KIF13B: variants seen among roughly 807,000 people sequenced by gnomAD.
KIF13B encodes kinesin family member 13B, also known as kinesin-like protein KIF13B.
A neutral mutation model predicts 222.0 loss-of-function variants in KIF13B; 127 were observed. That is an observed-to-expected ratio of 0.57 (90% CI 0.50 to 0.66). The LOEUF is 0.66. Among genes scored for constraint, KIF13B ranks in the 30% least tolerant of loss-of-function variants. The pLI is 0.00. For synonymous variants in KIF13B, 976 were observed against 919.0 expected (o/e 1.06, Z -1.12); for missense variants, 2,173 against 2,379.0 (o/e 0.91, Z 1.80).
At chr8:29,230,596 G>C (rs2130582926) in intron 2 of KIF13B, among the ~76,000 whole-genome samples, 1 of 152,288 alleles carries the variant, frequency 6.6e-6, no homozygotes, top group South Asian at 2.1e-4. Context: ...TTCTGTGGGA[G>C]TGTATCCCAG....
At chr8:29,254,300 C>G (rs115641650) in intron 1 of KIF13B, among the ~76,000 whole-genome samples, 1 of 152,158 alleles carries the variant, frequency 6.6e-6, no homozygotes, top group Non-Finnish European at 1.5e-5. Context: ...ACAGCAAAAT[C>G]ACAAGCAACT....
At chr8:29,218,830 A>T (rs1814610541) in intron 2 of KIF13B, 1 of 152,266 alleles carries the variant, frequency 6.6e-6, no homozygotes, top group African/African-American at 2.4e-5. Context: ...TGCACTCAAG[A>T]GACAGCACTA....
intron 11 of KIF13B, among the ~76,000 whole-genome samples, chr8:29,166,641 T>C (rs1812011707): frequency 6.7e-6 from 1 of 149,528 alleles, no homozygotes; most frequent in African/African-American, 2.5e-5. Context: ...GAGGCAGAGG[T>C]TGCAGTGAGC....
intron 37 of KIF13B, among the ~76,000 whole-genome samples, chr8:29,088,942 G>A (rs184980762): frequency 2.5e-4 from 38 of 152,326 alleles, no homozygotes; most frequent in Non-Finnish European, 1.0e-4. Flanking sequence ...AACCAAGAGC[G>A]TCTCTGATCA....
chr8:29,153,856 C>T (rs901853003), intron 14 of KIF13B, among the ~76,000 whole-genome samples: 1 of 152,142 alleles, frequency 6.6e-6, no homozygotes, highest in Admixed American at 6.5e-5. Context: ...GTAAGAGATG[C>T]CAATCACCTC....
chr8:29,092,118 T>C (rs1235678201), intron 37 of KIF13B, among the ~76,000 whole-genome samples: 1 of 152,254 alleles, frequency 6.6e-6, no homozygotes, highest in African/African-American at 2.4e-5. Flanking sequence ...AATCCTCATT[T>C]ATCATTTTCT....
chr8:29,173,595 C>G (rs1017153734), intron 10 of KIF13B, among the ~76,000 whole-genome samples: 6 of 151,622 alleles, frequency 4.0e-5, no homozygotes, highest in Admixed American at 1.3e-4. Context: ...GCACTCTAGC[C>G]TGGACAACAG....
In KIF13B at chr8:29,259,119, GA is replaced by G. The variant is rs374204028; in HGVS notation, c.55+3860del. The stretch of plus-strand genomic sequence containing the variant: ...TTTACATTCTTTTTCCACTAACAGA[GA>G]AAACGATCTTCCTTGTTAAATGGTT... On this transcript the variant is annotated intron_variant, in intron 1 of 39. Transcript: ENST00000524189. Among the ~76,000 whole-genome samples, 437 of 152,064 alleles carry G rather than the reference GA, an allele frequency of 2.9e-3. 1 individual carries two copies. Among genetic ancestry groups the G allele is most frequent in the African/African-American group, 0.01 (422 of 41,460 alleles).
chr8:29,083,110 C>G (rs1034894156), intron 37 of KIF13B, among the ~76,000 whole-genome samples: 1 of 151,950 alleles, frequency 6.6e-6, no homozygotes, highest in African/African-American at 2.4e-5. Context: ...GCCTGGGCAA[C>G]AGAGCAAGAC....
intron 26 of KIF13B, 90 bp downstream of exon 26, chr8:29,126,392 C>T (rs1280152810): frequency 2.3e-6 from 2 of 861,878 alleles, no homozygotes; most frequent in East Asian, 2.7e-5. Context: ...TTGTTTAATC[C>T]TTAAATAACA....
chr8:29,165,454 T>C (rs1352601559), intron 12 of KIF13B, among the ~76,000 whole-genome samples: 1 of 152,214 alleles, frequency 6.6e-6, no homozygotes, highest in African/African-American at 2.4e-5. Context: ...AAATTATTTC[T>C]TACATAAACA....
At chr8:29,220,780 A>G (rs961439556) in intron 2 of KIF13B, among the ~76,000 whole-genome samples, 1 of 152,178 alleles carries the variant, frequency 6.6e-6, no homozygotes, top group Non-Finnish European at 1.5e-5. Flanking sequence ...GTAAGAAAAG[A>G]GTAGAGAGAT....
At chr8:29,240,024 A>G (rs1815695395) in intron 2 of KIF13B, among the ~76,000 whole-genome samples, 1 of 151,130 alleles carries the variant, frequency 6.6e-6, no homozygotes, top group South Asian at 2.1e-4. Context: ...AAAAAAAAAG[A>G]AACACAAAAG....
At chr8:29,130,199 G>A (rs904039763) in intron 24 of KIF13B, among the ~76,000 whole-genome samples, 3 of 152,126 alleles carry the variant, frequency 2.0e-5, no homozygotes, top group Non-Finnish European at 2.9e-5. Context: ...TAACAGAACT[G>A]GTTTTTAAAA....
chr8:29,221,935 G>A (rs1814771082), intron 2 of KIF13B, among the ~76,000 whole-genome samples: 1 of 151,948 alleles, frequency 6.6e-6, no homozygotes, highest in Non-Finnish European at 1.5e-5. Context: ...TGAATAGTCG[G>A]TAGTTTTCTA....
intron 29 of KIF13B, among the ~76,000 whole-genome samples, chr8:29,120,335 C>T (rs1310338630): frequency 1.0e-5 from 1 of 100,032 alleles, no homozygotes; most frequent in Non-Finnish European, 2.0e-5. Context: ...CCCCCTCCCC[C>T]GACCCCACCA....
At chr8:29,080,440 C>T (rs890047357) in intron 37 of KIF13B, among the ~76,000 whole-genome samples, 1 of 151,066 alleles carries the variant, frequency 6.6e-6, no homozygotes, top group Non-Finnish European at 1.5e-5. Flanking sequence ...GAGAGGAAAA[C>T]GAAGAGTTCC....
chr8:29,197,635 A>C (rs940545206), intron 2 of KIF13B, among the ~76,000 whole-genome samples: 8 of 152,268 alleles, frequency 5.3e-5, no homozygotes, highest in African/African-American at 1.9e-4. Flanking sequence ...GAAAACAGTC[A>C]TGGGTTCACG....
chr8:29,117,004 T>C lies in KIF13B; in HGVS notation c.3664A>G (p.Lys1222Glu). 6.4e-7 allele frequency: 1 copy of C among 1,563,328 alleles called. No homozygotes were observed. The change falls in exon 31 of 40, where the codon AAA becomes GAA. Residue 1222 changes from lysine to glutamate, a missense_variant. By Grantham distance (56) the Lys-to-Glu change is moderately conservative (BLOSUM62 1). This residue lies in a region of KIF13B where 1,480 missense variants were observed against 1,722.8 expected (regional missense o/e 0.86). Transcript: ENST00000524189. ...GCGGAGTCCCAGGAGGCTTCTGCTT[T>C]CACCTGGAGAGAAGACAGAGAGGAA... is the stretch of plus-strand genomic sequence containing the variant. Reference protein sequence around the residue: ...QIVKQHDGEVKAEASWDSAVH... With the variant: ...QIVKQHDGEVEAEASWDSAVH...
Sources: gnomAD v4.1 joint callset for allele counts (sites outside exome capture counted in the v4.1 genomes callset) on GRCh38, gnomAD v4.1.1 for gene constraint, gnomAD v4.1.1 regional missense constraint, MANE v1.5 for transcripts, NCBI Gene and HGNC (gene_info 2026-07-23, HGNC 2026-07-21) for gene names.